TNFAIP6: variants seen among roughly 807,000 people sequenced by gnomAD.
TNFAIP6 encodes the protein TNF alpha induced protein 6, also known as tumor necrosis factor-inducible gene 6 protein.
Under a neutral mutation model 33.7 loss-of-function variants are expected in TNFAIP6, and 36 were observed. The observed-to-expected ratio is 1.07, with a 90% CI of 0.82 to 1.41. TNFAIP6 has a LOEUF of 1.41. Ranked by LOEUF, TNFAIP6 falls within the 40% of genes most tolerant of loss-of-function variation. The pLI is 0.00. For synonymous variants in TNFAIP6, 113 were observed against 112.8 expected (o/e 1.00, Z -0.01); for missense variants, 273 against 331.9 (o/e 0.82, Z 1.38).
intron 4 of TNFAIP6, among the ~76,000 whole-genome samples, chr2:151,371,585 CTTTTTTTCTTTT>C (rs1163415272): frequency 4.8e-5 from 7 of 146,542 alleles, no homozygotes; most frequent in Admixed American, 6.8e-5. Flanking sequence ...CTTTCTACAT[CTTTTTTTCTTTT>C]TTTTTTTCTT....
chr2:151,361,522 G>A (rs1000443006), intron 1 of TNFAIP6, among the ~76,000 whole-genome samples: 1 of 151,942 alleles, frequency 6.6e-6, no homozygotes, highest in Non-Finnish European at 1.5e-5. Context: ...TGTATTCTTA[G>A]GAAATATAAT....
rs149283868 is a variant in TNFAIP6 at position 151,379,481 on chromosome 2, C to T, written c.782C>T (p.Thr261Ile). ...TCCAGTCAAGGAAAAAATACAAGTA[C>T]TACTTCTACTGGAAATAAAAACTTT... ...SKSSQGKNTS[T>I]TSTGNKNFLA... The change falls in exon 6 of 6, where the codon ACT becomes ATT. Residue 261 changes from threonine to isoleucine, a missense_variant. By Grantham distance (89) the Thr-to-Ile change is moderately conservative (BLOSUM62 -1). Coordinates refer to ENST00000243347, the MANE Select transcript of TNFAIP6 (RefSeq NM_007115.4). 5.9e-5 allele frequency: 94 copies of T among 1,591,896 alleles called. No individual in the cohort carries two copies. In the African/African-American group the frequency reaches 1.2e-3, roughly 20 times the overall value.
intron 3 of TNFAIP6, among the ~76,000 whole-genome samples, chr2:151,369,054 G>A (rs10210009): frequency 0.028 from 4,189 of 152,142 alleles, 162 homozygotes; most frequent in African/African-American, 0.085. Flanking sequence ...TTAGCCAGAC[G>A]TGGTGGCTCA....
At chr2:151,373,629 CT>C in intron 5 of TNFAIP6, 40 bp downstream of exon 5, 1 of 1,260,262 alleles carries the variant, frequency 7.9e-7, no homozygotes, top group Non-Finnish European at 1.1e-6. Context: ...TGATTTGTTT[CT>C]TTACAGTGTC....
chr2:151,361,949 C>A (rs1308233514), intron 1 of TNFAIP6, among the ~76,000 whole-genome samples: 2 of 152,144 alleles, frequency 1.3e-5, no homozygotes, highest in African/African-American at 2.4e-5. Context: ...AAAACAAGCA[C>A]CCTCTCTTAT....
At chr2:151,359,728 G>T (rs1684595158) in intron 1 of TNFAIP6, among the ~76,000 whole-genome samples, 2 of 152,144 alleles carry the variant, frequency 1.3e-5, no homozygotes, top group Non-Finnish European at 1.5e-5. Flanking sequence ...ACAAATTTGT[G>T]TTGGGCCACA....
At chr2:151,372,247 T>C (rs1274424899) in intron 4 of TNFAIP6, 1 of 152,204 alleles carries the variant, frequency 6.6e-6, no homozygotes, top group Non-Finnish European at 1.5e-5. Context: ...TGAATAAACA[T>C]TGTATTTCAG....
At chr2:151,380,139 A>G (rs1256290909), downstream of TNFAIP6, 1 of 152,180 alleles carries the variant, frequency 6.6e-6, no homozygotes, top group Admixed American at 6.5e-5. Context: ...TTCTGTTTTG[A>G]TAGGCAAAAA....
In TNFAIP6 at chr2:151,372,552, C is replaced by T. The variant is rs1054695779; in HGVS notation, c.624-997C>T. Among the ~76,000 whole-genome samples, 28 of 152,088 alleles carry T rather than the reference C, an allele frequency of 1.8e-4. 1 individual carries two copies. The highest frequency in any genetic ancestry group is 1.8e-3 in the Admixed American group (28 of 15,256). On this transcript the variant is annotated intron_variant, in intron 4 of 5. Transcript: ENST00000243347. ...ATTTAAATCAGTCTATCCTAGAATT[C>T]AAAATATTAATATCACCAAGCATAT...
chr2:151,361,323 G>A (rs1401673914), intron 1 of TNFAIP6, among the ~76,000 whole-genome samples: 4 of 152,022 alleles, frequency 2.6e-5, no homozygotes, highest in East Asian at 1.9e-4. Context: ...TGATCCACCC[G>A]CCTCAGCCTC....
At position 151,379,867 on chromosome 2, in the gene TNFAIP6, T is replaced by A. The variant is rs1684983921; in HGVS notation, c.*334T>A. ...ATGTACAGTTTTGTATTATACTTTT[T>A]AAATCTTGAACTTTATAAACATTTT... On this transcript the variant is annotated 3_prime_UTR_variant, in exon 6 of 6. Transcript: ENST00000243347. The A allele has an allele frequency of 6.4e-6, 1 of 156,904 alleles. No homozygotes were observed. The highest frequency in any genetic ancestry group is 1.4e-5 in the Non-Finnish European group (1 of 71,320). 9.7% of individuals were successfully genotyped at this position (156,904 alleles called of 1,614,324 possible).
intron 1 of TNFAIP6, among the ~76,000 whole-genome samples, chr2:151,358,931 T>A (rs1003796739): frequency 1.3e-5 from 2 of 152,320 alleles, no homozygotes; most frequent in East Asian, 3.9e-4. Flanking sequence ...GTCAGGATTT[T>A]TTTTAAATGT....
At chr2:151,360,513 A>G (rs1321462860) in intron 1 of TNFAIP6, among the ~76,000 whole-genome samples, 1 of 152,248 alleles carries the variant, frequency 6.6e-6, no homozygotes, top group Non-Finnish European at 1.5e-5. Flanking sequence ...AGTTTTAATA[A>G]ATGACTATTG....
At chr2:151,363,906 A>G (rs200905652) in intron 1 of TNFAIP6, 37 bp from the exon 2 acceptor site, 4 of 1,606,792 alleles carry the variant, frequency 2.5e-6, no homozygotes, top group South Asian at 1.1e-5. Context: ...CGTAAGAAGG[A>G]ACAACAGTGC....
intron 2 of TNFAIP6, among the ~76,000 whole-genome samples, chr2:151,364,645 A>G (rs552723432): frequency 8.9e-4 from 135 of 152,364 alleles, no homozygotes; most frequent in African/African-American, 3.2e-3. Context: ...AGACCTGGTG[A>G]AAATCCCAGC....
chr2:151,377,268 C>T (rs1419252272), intron 5 of TNFAIP6, among the ~76,000 whole-genome samples: 1 of 151,970 alleles, frequency 6.6e-6, no homozygotes, highest in Non-Finnish European at 1.5e-5. Context: ...CTCCCGGGTT[C>T]ACGCCATTCT....
At chr2:151,366,330 A>T (rs977971337) in intron 3 of TNFAIP6, 113 bp downstream of exon 3, 18 of 907,262 alleles carry the variant, frequency 2.0e-5, no homozygotes, top group Non-Finnish European at 2.7e-5. Flanking sequence ...GGTAATAATA[A>T]CTACTACTAA....
At chr2:151,363,047 G>C (rs1684655127) in intron 1 of TNFAIP6, among the ~76,000 whole-genome samples, 1 of 152,176 alleles carries the variant, frequency 6.6e-6, no homozygotes, top group Non-Finnish European at 1.5e-5. Context: ...CGGACACGGA[G>C]TCTCACGTCT....
At chr2:151,378,047 A>C (rs1573788028) in intron 5 of TNFAIP6, among the ~76,000 whole-genome samples, 1 of 152,178 alleles carries the variant, frequency 6.6e-6, no homozygotes, top group East Asian at 1.9e-4. Context: ...GATAAAAGCA[A>C]GCATTAGGAA....
Sources: allele counts gnomAD v4.1 joint callset (sites outside exome capture counted in the v4.1 genomes callset), GRCh38; gene constraint gnomAD v4.1.1; transcripts MANE v1.5; gene names NCBI Gene and HGNC (gene_info 2026-07-23, HGNC 2026-07-21).